Variants in FAM53A observed in about 807,000 individuals in gnomAD.
The protein encoded by FAM53A is family with sequence similarity 53 member A.
In FAM53A, 28 loss-of-function variants were observed where a neutral mutation model predicts 26.6. The ratio of observed to expected loss-of-function variants is 1.05; its 90% CI spans 0.78 to 1.45. The LOEUF is 1.45. Among genes scored for constraint, FAM53A ranks in the 40% most tolerant of loss-of-function variants. The probability of loss-of-function intolerance (pLI) is 0.00; values close to 1 mark genes in which losing one functional copy is unlikely to be tolerated. For missense variants in FAM53A, 650 were observed against 575.8 expected, an observed-to-expected ratio of 1.13 and a Z score of -1.32; for synonymous variants, 290 against 253.1, an observed-to-expected ratio of 1.15 and a Z score of -1.38.
At chr4:1,677,120 G>A (rs1396107341) in intron 1 of FAM53A, among the ~76,000 whole-genome samples, 3 of 152,186 alleles carry the variant, frequency 2.0e-5, no homozygotes, top group African/African-American at 7.2e-5. Flanking sequence ...CTGAGAAGGG[G>A]GGCACGTGAA....
intron 1 of FAM53A, among the ~76,000 whole-genome samples, chr4:1,681,815 T>C (rs371698618): frequency 6.6e-6 from 1 of 152,064 alleles, no homozygotes; most frequent in Non-Finnish European, 1.5e-5. Flanking sequence ...GAAATTCAAA[T>C]CGTAAAATGA....
At chr4:1,607,930 G>C in the FAM53A span, among the ~76,000 whole-genome samples, 1 of 134,528 alleles carries the variant, frequency 7.4e-6, no homozygotes, top group Non-Finnish European at 1.6e-5. Flanking sequence ...AAAAGAGTGA[G>C]ACTCCGTCTC....
the FAM53A span, among the ~76,000 whole-genome samples, chr4:1,598,101 C>T: frequency 6.6e-6 from 1 of 152,266 alleles, no homozygotes; most frequent in Non-Finnish European, 1.5e-5. Context: ...CCAGGCCCAG[C>T]CGAAGGCCAC....
At chr4:1,586,502 G>A in the FAM53A span, among the ~76,000 whole-genome samples, 43 of 152,100 alleles carry the variant, frequency 2.8e-4, no homozygotes, top group African/African-American at 7.7e-4. Flanking sequence ...GAGGCCAGGC[G>A]CGGTGGCTCA....
chr4:1,575,101 C>T, the FAM53A span, among the ~76,000 whole-genome samples: 1 of 152,202 alleles, frequency 6.6e-6, no homozygotes. Flanking sequence ...GCCAGCTACC[C>T]CCTGAGTGCC....
the FAM53A span, among the ~76,000 whole-genome samples, chr4:1,589,360 A>G: frequency 6.6e-6 from 1 of 152,092 alleles, no homozygotes; most frequent in Non-Finnish European, 1.5e-5. Flanking sequence ...AGAAACATAC[A>G]CTTGGGGTTG....
the FAM53A span, among the ~76,000 whole-genome samples, chr4:1,598,255 C>A: frequency 6.6e-6 from 1 of 152,338 alleles, no homozygotes; most frequent in East Asian, 1.9e-4. Flanking sequence ...GAAGGCACAG[C>A]GGACTGCCTG....
the FAM53A span, among the ~76,000 whole-genome samples, chr4:1,595,490 G>A: frequency 4.6e-5 from 7 of 152,192 alleles, no homozygotes; most frequent in Non-Finnish European, 8.8e-5. Context: ...GGGCACATCA[G>A]AAACCACTGA....
chr4:1,655,450 CA>C lies in FAM53A; in HGVS notation c.409del (p.Trp137GlyfsTer154), dbSNP rs1713273527. The C allele has an allele frequency of 4.5e-6, 7 of 1,539,026 alleles. No homozygotes were observed. Among genetic ancestry groups the C allele is most frequent in the Non-Finnish European group, 6.1e-6 (7 of 1,142,188 alleles). ...CCAGACCTTGGAGCTGCCGGGGCGC[CA>C]GGGGGACCGGCAGCGCACAAGCTCC... ...PEELVRCRSPWRPGSSKVWTP... is the reference protein window; with the variant it reads ...PEELVRCRSPXRPGSSKVWTP... On this transcript the variant is annotated frameshift_variant, in exon 4 of 5. Transcript: ENST00000308132. LOFTEE classifies it high-confidence loss of function.
chr4:1,608,042 G>A, the FAM53A span, among the ~76,000 whole-genome samples: 2 of 152,146 alleles, frequency 1.3e-5, no homozygotes, highest in Non-Finnish European at 2.9e-5. Context: ...AACCCGGGAG[G>A]CGGAGGTCGC....
At chr4:1,595,608 C>A in the FAM53A span, among the ~76,000 whole-genome samples, 8 of 152,340 alleles carry the variant, frequency 5.3e-5, no homozygotes, top group Admixed American at 1.3e-4. Context: ...ACCAAGCAGC[C>A]CTTGTCCTGT....
the FAM53A span, among the ~76,000 whole-genome samples, chr4:1,608,609 A>T: frequency 2.6e-5 from 4 of 152,116 alleles, no homozygotes; most frequent in Non-Finnish European, 4.4e-5. Context: ...TCAGGTCAGC[A>T]GTGGCTGAAA....
chr4:1,620,084 T>G (rs1316157289), intron 1 of FAM53A, among the ~76,000 whole-genome samples: 1 of 151,930 alleles, frequency 6.6e-6, no homozygotes, highest in East Asian at 1.9e-4. Context: ...GGCGGGCAGC[T>G]GTAGTCCCAG....
intron 2 of FAM53A, among the ~76,000 whole-genome samples, chr4:1,661,654 C>T (rs556618890): frequency 1.3e-5 from 2 of 151,946 alleles, no homozygotes; most frequent in East Asian, 1.9e-4. Context: ...ATTAAGACCC[C>T]GCCCATCTTC....
chr4:1,596,785 G>GAAAGAC, the FAM53A span, among the ~76,000 whole-genome samples: 1 of 152,232 alleles, frequency 6.6e-6, no homozygotes, highest in Non-Finnish European at 1.5e-5. Flanking sequence ...CAGAGAGAGA[G>GAAAGAC]AGAGACAGAG....
rs576975194 is a variant in FAM53A, at chr4:1,652,444, ACAC to A, written c.882+2531_882+2533del. ...CACATACACACCACACATCACACAC[ACAC>A]CACCCACCCCACACACACGACACAC... On this transcript the variant is annotated intron_variant, in intron 4 of 4. Coordinates refer to ENST00000308132, the MANE Select transcript of FAM53A (RefSeq NM_001174070.3). 2.3e-4 allele frequency among the ~76,000 whole-genome samples: 33 copies of A among 145,730 alleles called. No homozygotes were observed. In the South Asian group the frequency reaches 6.5e-3, roughly 29 times the overall value.
intron 1 of FAM53A, among the ~76,000 whole-genome samples, chr4:1,670,925 G>GCCC (rs1343224069): frequency 5.3e-5 from 4 of 76,000 alleles, no homozygotes; most frequent in Non-Finnish European, 1.0e-4. Context: ...AGCCACAGCC[G>GCCC]GGACTCACCT....
intron 4 of FAM53A, among the ~76,000 whole-genome samples, chr4:1,642,599 G>C (rs1167474950): frequency 1.3e-5 from 2 of 152,168 alleles, no homozygotes; most frequent in Admixed American, 6.5e-5. Context: ...GACCCAGCAG[G>C]TGTGTCCAGC....
chr4:1,590,955 C>CATGT, the FAM53A span, among the ~76,000 whole-genome samples: 1 of 46,280 alleles, frequency 2.2e-5, no homozygotes, highest in Non-Finnish European at 4.7e-5. Context: ...TTATTTAATG[C>CATGT]ATATATATAT....
Sources: allele counts gnomAD v4.1 joint callset (sites outside exome capture counted in the v4.1 genomes callset), GRCh38; gene constraint gnomAD v4.1.1; transcripts MANE v1.5; gene names NCBI Gene and HGNC (gene_info 2026-07-23, HGNC 2026-07-21).